Variants in LRMDA observed in about 807,000 individuals in gnomAD.
LRMDA encodes the protein leucine-rich melanocyte differentiation-associated protein.
LRMDA carries 18 observed loss-of-function variants against 29.8 expected under a neutral mutation model. The ratio of observed to expected loss-of-function variants is 0.60; its 90% CI spans 0.42 to 0.90. The LOEUF is 0.90. Among genes scored for constraint, LRMDA ranks in the 40% least tolerant of loss-of-function variants. The probability of loss-of-function intolerance (pLI) is 0.00; values close to 1 mark genes in which losing one functional copy is unlikely to be tolerated. For missense variants in LRMDA, 273 were observed against 273.9 expected, an observed-to-expected ratio of 1.00 and a Z score of 0.02; for synonymous variants, 125 against 109.4, an observed-to-expected ratio of 1.14 and a Z score of -0.89.
intron 2 of LRMDA, among the ~76,000 whole-genome samples, chr10:75,477,186 C>T (rs746115489): frequency 6.6e-6 from 1 of 152,044 alleles, no homozygotes; most frequent in Non-Finnish European, 1.5e-5. Flanking sequence ...TGCTATGTTG[C>T]CCAGGTTGGT....
intron 6 of LRMDA, among the ~76,000 whole-genome samples, chr10:76,482,137 T>G (rs2579725): frequency 0.69 from 104,819 of 151,754 alleles, 37,680 homozygotes; most frequent in Non-Finnish European, 0.81. Flanking sequence ...TTGAAGTAAC[T>G]TAGATAAATC....
intron 6 of LRMDA, among the ~76,000 whole-genome samples, chr10:76,326,339 A>G (rs1317097347): frequency 6.6e-6 from 1 of 152,214 alleles, no homozygotes; most frequent in East Asian, 1.9e-4. Context: ...TTTGGCACTA[A>G]AATGAAACCA....
At chr10:76,467,192 G>A (rs568702661) in intron 6 of LRMDA, among the ~76,000 whole-genome samples, 1 of 152,340 alleles carries the variant, frequency 6.6e-6, no homozygotes, top group Non-Finnish European at 1.5e-5. Flanking sequence ...CGTGAATTAA[G>A]TGTGGCTTCT....
intron 2 of LRMDA, among the ~76,000 whole-genome samples, chr10:75,823,663 A>G (rs1044936075): frequency 6.6e-6 from 1 of 151,484 alleles, no homozygotes; most frequent in Non-Finnish European, 1.5e-5. Context: ...GTATCCATCA[A>G]TGGATGATTG....
At chr10:76,253,168 CT>C (rs1474589609) in intron 5 of LRMDA, among the ~76,000 whole-genome samples, 2 of 152,224 alleles carry the variant, frequency 1.3e-5, no homozygotes, top group South Asian at 4.1e-4. Flanking sequence ...GGTACTTTTG[CT>C]TTGTTTTGCA....
At chr10:76,058,883 G>C (rs1363504218) in intron 5 of LRMDA, 100 bp downstream of exon 5, 1 of 924,568 alleles carries the variant, frequency 1.1e-6, no homozygotes, top group African/African-American at 1.6e-5. Flanking sequence ...TTAGAATGCA[G>C]TTGGAATCTC....
intron 2 of LRMDA, 51 bp downstream of exon 2, chr10:75,438,545 T>TG: frequency 7.0e-7 from 1 of 1,419,734 alleles, no homozygotes; most frequent in East Asian, 2.5e-5. Flanking sequence ...CCAGTCCTCC[T>TG]GGGTACTTTA....
Position 75,434,005 on chromosome 10 carries a change from ATTGC to A in LRMDA, c.30+2254_30+2257del, listed in dbSNP as rs141152766. Among the ~76,000 whole-genome samples, 1,479 of 152,174 alleles carry A rather than the reference ATTGC, an allele frequency of 9.7e-3. 26 individuals carry two copies. The highest frequency in any genetic ancestry group is 0.034 in the African/African-American group (1,418 of 41,504). The stretch of plus-strand genomic sequence containing the variant: ...TGCCTGGGGATGTTGCAGTCTTCCT[ATTGC>A]TTTTCTCTGCAAAAGGCTTTTCATT... On this transcript the variant is annotated intron_variant, in intron 1 of 6. Coordinates refer to ENST00000611255, the MANE Select transcript of LRMDA (RefSeq NM_001305581.2).
At chr10:76,086,985 T>A (rs1253178757) in intron 5 of LRMDA, among the ~76,000 whole-genome samples, 1 of 152,158 alleles carries the variant, frequency 6.6e-6, no homozygotes, top group East Asian at 1.9e-4. Flanking sequence ...GGGAGAGACG[T>A]TCTTTGGCTT....
chr10:75,727,142 G>T (rs7923490), intron 2 of LRMDA, among the ~76,000 whole-genome samples: 1 of 152,158 alleles, frequency 6.6e-6, no homozygotes, highest in East Asian at 1.9e-4. Context: ...CTGGCGTTCG[G>T]GTTCTAGCTT....
chr10:76,530,136 T>C (rs1017880521), intron 6 of LRMDA, among the ~76,000 whole-genome samples: 5 of 152,146 alleles, frequency 3.3e-5, no homozygotes, highest in Non-Finnish European at 7.4e-5. Context: ...GGACATGCCA[T>C]TTAAAGGTCC....
At chr10:75,636,839 CAA>C (rs1841396035) in intron 2 of LRMDA, among the ~76,000 whole-genome samples, 1 of 151,734 alleles carries the variant, frequency 6.6e-6, no homozygotes, top group Non-Finnish European at 1.5e-5. Context: ...CCAGAATTGG[CAA>C]AGACTTTTTT....
intron 2 of LRMDA, among the ~76,000 whole-genome samples, chr10:75,498,006 T>C (rs924376383): frequency 2.0e-5 from 3 of 152,184 alleles, no homozygotes; most frequent in African/African-American, 7.2e-5. Context: ...AGCGGCTGTT[T>C]CCTTTTCACT....
chr10:76,511,123 C>T (rs780062274), intron 6 of LRMDA, among the ~76,000 whole-genome samples: 1 of 152,116 alleles, frequency 6.6e-6, no homozygotes, highest in Non-Finnish European at 1.5e-5. Context: ...GGTTCAGAGT[C>T]AAGACTAATG....
intron 2 of LRMDA, among the ~76,000 whole-genome samples, chr10:75,739,521 G>C (rs565589929): frequency 1.3e-5 from 2 of 152,332 alleles, no homozygotes; most frequent in Admixed American, 1.3e-4. Context: ...CCTGCGGAGA[G>C]AATGGCTACA....
At chr10:76,153,524 T>C (rs1850484933) in intron 5 of LRMDA, among the ~76,000 whole-genome samples, 2 of 152,312 alleles carry the variant, frequency 1.3e-5, no homozygotes, top group South Asian at 4.1e-4. Flanking sequence ...AAATGTAGTC[T>C]TTTGCATGTG....
chr10:75,553,743 A>G (rs1374066332), intron 2 of LRMDA, among the ~76,000 whole-genome samples: 3 of 152,144 alleles, frequency 2.0e-5, no homozygotes, highest in Non-Finnish European at 4.4e-5. Flanking sequence ...CTTCCTCCTT[A>G]GTGGCTTATG....
intron 5 of LRMDA, among the ~76,000 whole-genome samples, chr10:76,174,466 C>T (rs1444236890): frequency 6.6e-6 from 1 of 152,102 alleles, no homozygotes; most frequent in East Asian, 1.9e-4. Flanking sequence ...TCTAGGACTA[C>T]AAAGTTATTT....
chr10:76,217,840 C>A (rs1393811831), intron 5 of LRMDA, among the ~76,000 whole-genome samples: 2 of 152,106 alleles, frequency 1.3e-5, no homozygotes, highest in Non-Finnish European at 2.9e-5. Flanking sequence ...ACTTTTGTCA[C>A]CTGTTCCTGT....
Sources: gnomAD v4.1 joint callset for allele counts (sites outside exome capture counted in the v4.1 genomes callset) on GRCh38, gnomAD v4.1.1 for gene constraint, MANE v1.5 for transcripts, NCBI Gene and HGNC (gene_info 2026-07-23, HGNC 2026-07-21) for gene names.